GLIS3: variants seen among roughly 807,000 people sequenced by gnomAD.
The protein encoded by GLIS3 is GLIS family zinc finger 3.
Under a neutral mutation model 78.6 loss-of-function variants are expected in GLIS3, and 53 were observed. The observed-to-expected ratio is 0.67, with a 90% CI of 0.54 to 0.85. The LOEUF (loss-of-function observed/expected upper bound fraction) is 0.85, where lower values mean the gene tolerates loss of function less well. Ranked by LOEUF, GLIS3 falls within the 40% of genes least tolerant of loss-of-function variation. The pLI is 0.00. For synonymous variants in GLIS3, 684 were observed against 509.9 expected (o/e 1.34, Z -4.60); for missense variants, 1,703 against 1,231.1 (o/e 1.38, Z -5.74).
chr9:4,237,934 A>G (rs1822922775), intron 2 of GLIS3, among the ~76,000 whole-genome samples: 1 of 152,158 alleles, frequency 6.6e-6, no homozygotes, highest in Admixed American at 6.5e-5. Context: ...GCTGCAAGGG[A>G]CAAGATGAAT....
chr9:4,236,207 AG>A (rs1251418124), intron 2 of GLIS3, among the ~76,000 whole-genome samples: 165 of 130,886 alleles, frequency 1.3e-3, no homozygotes, highest in African/African-American at 3.7e-3. Flanking sequence ...AAAAAAAAAA[AG>A]AAAGAAAGAA....
chr9:4,423,547 A>G, the GLIS3 span, among the ~76,000 whole-genome samples: 1 of 152,140 alleles, frequency 6.6e-6, no homozygotes, highest in Non-Finnish European at 1.5e-5. Context: ...CTTATACCTT[A>G]TTAAAACCCA....
chr9:4,474,381 G>T, the GLIS3 span, among the ~76,000 whole-genome samples: 2 of 151,998 alleles, frequency 1.3e-5, no homozygotes, highest in Non-Finnish European at 2.9e-5. Context: ...AACCCTAGAC[G>T]CAGACACACA....
the GLIS3 span, among the ~76,000 whole-genome samples, chr9:4,489,298 T>A: frequency 6.6e-6 from 1 of 152,216 alleles, no homozygotes; most frequent in African/African-American, 2.4e-5. Context: ...TACAGGGTTG[T>A]AAATCTTAAT....
intron 6 of GLIS3, among the ~76,000 whole-genome samples, chr9:3,915,323 G>A (rs1308378294): frequency 6.6e-6 from 1 of 152,088 alleles, no homozygotes; most frequent in East Asian, 1.9e-4. Context: ...AGACTAGAAA[G>A]TCAAAAATCT....
chr9:4,249,966 A>C (rs1824196754), intron 2 of GLIS3, among the ~76,000 whole-genome samples: 1 of 152,208 alleles, frequency 6.6e-6, no homozygotes, highest in African/African-American at 2.4e-5. Flanking sequence ...CTAGGGATGA[A>C]GCCAACTTGA....
At chr9:4,406,004 A>G in the GLIS3 span, among the ~76,000 whole-genome samples, 2 of 152,248 alleles carry the variant, frequency 1.3e-5, no homozygotes, top group African/African-American at 2.4e-5. Context: ...AGCATTTGAT[A>G]AAGTTTAACA....
At chr9:4,182,088 C>T (rs1817377832) in intron 2 of GLIS3, among the ~76,000 whole-genome samples, 1 of 152,196 alleles carries the variant, frequency 6.6e-6, no homozygotes, top group Non-Finnish European at 1.5e-5. Flanking sequence ...TGAGCTATTA[C>T]ATGCCAACGA....
At chr9:3,986,964 A>G (rs1181032061) in intron 4 of GLIS3, among the ~76,000 whole-genome samples, 3 of 152,350 alleles carry the variant, frequency 2.0e-5, no homozygotes, top group Admixed American at 1.3e-4. Flanking sequence ...GAGTAAAAAA[A>G]GACAGTCAAC....
intron 4 of GLIS3, among the ~76,000 whole-genome samples, chr9:4,068,611 G>C (rs1176751266): frequency 6.6e-6 from 1 of 151,986 alleles, no homozygotes; most frequent in East Asian, 1.9e-4. Flanking sequence ...AGAAAATCCT[G>C]GGGCTCAAAG....
chr9:3,882,292 T>C (rs78961920), intron 7 of GLIS3, among the ~76,000 whole-genome samples: 3,747 of 152,278 alleles, frequency 0.025, 179 homozygotes, highest in African/African-American at 0.086. Flanking sequence ...CCAACTCCTA[T>C]TTTTCATTTG....
chr9:4,358,914 C>T, the GLIS3 span, among the ~76,000 whole-genome samples: 16 of 152,294 alleles, frequency 1.1e-4, no homozygotes, highest in African/African-American at 3.4e-4. Context: ...CTCTCCCACT[C>T]CAAGACTTTC....
chr9:4,411,033 G>C, the GLIS3 span, among the ~76,000 whole-genome samples: 4 of 152,102 alleles, frequency 2.6e-5, no homozygotes, highest in African/African-American at 9.7e-5. Flanking sequence ...ACCAAAACAA[G>C]TATGTAAAAT....
At position 3,896,289 on chromosome 9, in the gene GLIS3, T is replaced by C. The variant is rs550590595; in HGVS notation, c.2128+2402A>G. Among the ~76,000 whole-genome samples the C allele has an allele frequency of 3.9e-5, 6 of 152,180 alleles. 1 individual carries two copies. Among genetic ancestry groups the C allele is most frequent in the Admixed American group, 3.9e-4 (6 of 15,286 alleles). Reference sequence around the variant, plus strand: ...TTCTGCCTCTTGGTTTGTTGCCTACTCTGCAAAACAAAAGGCGTAACATTT... The same window carrying C: ...TTCTGCCTCTTGGTTTGTTGCCTACCCTGCAAAACAAAAGGCGTAACATTT... On this transcript the variant is annotated intron_variant, in intron 7 of 10. Transcript: ENST00000381971.
At chr9:4,166,096 G>A (rs1031111242) in intron 2 of GLIS3, among the ~76,000 whole-genome samples, 3 of 152,174 alleles carry the variant, frequency 2.0e-5, no homozygotes, top group African/African-American at 7.2e-5. Flanking sequence ...GAACTTCTCT[G>A]CACCTCAATT....
intron 2 of GLIS3, among the ~76,000 whole-genome samples, chr9:4,269,781 G>A (rs1326533319): frequency 6.6e-6 from 1 of 152,156 alleles, no homozygotes; most frequent in Admixed American, 6.5e-5. Context: ...ATAATAAAGA[G>A]GGTAAAAAAA....
chr9:3,955,152 G>C (rs564208379), intron 4 of GLIS3, among the ~76,000 whole-genome samples: 15 of 152,272 alleles, frequency 9.9e-5, no homozygotes, highest in Middle Eastern at 3.4e-3. Flanking sequence ...AAATCAGAGA[G>C]ACGTTGCAAA....
chr9:4,418,336 T>G, the GLIS3 span, among the ~76,000 whole-genome samples: 2 of 152,236 alleles, frequency 1.3e-5, no homozygotes, highest in African/African-American at 4.8e-5. Context: ...ACATGCAGAT[T>G]GTAGCCTTAT....
Position 3,942,902 on chromosome 9 carries a change from A to G in GLIS3, c.1711-5713T>C, listed in dbSNP as rs368409845. ...GAAATAAAATAAACAAAAGAACTAG[A>G]AAACAAAAGAAGAAAGGAAAGAACT... On this transcript the variant is annotated intron_variant, in intron 4 of 10. Coordinates refer to ENST00000381971, the MANE Select transcript of GLIS3 (RefSeq NM_001042413.2). Among the ~76,000 whole-genome samples, 10 of 152,358 alleles carry G rather than the reference A, an allele frequency of 6.6e-5. 1 individual carries two copies. In the South Asian group the frequency reaches 2.1e-3, roughly 32 times the overall value.
Sources: allele counts gnomAD v4.1 joint callset (sites outside exome capture counted in the v4.1 genomes callset), GRCh38; gene constraint gnomAD v4.1.1; transcripts MANE v1.5; gene names NCBI Gene and HGNC (gene_info 2026-07-23, HGNC 2026-07-21).